Variants in STPG2 observed in about 807,000 individuals in gnomAD.
STPG2 encodes the protein sperm tail PG-rich repeat containing 2, also known as sperm-tail PG-rich repeat-containing protein 2.
STPG2 carries 56 observed loss-of-function variants against 54.2 expected under a neutral mutation model. The observed-to-expected ratio is 1.03, with a 90% CI of 0.83 to 1.29. STPG2 has a LOEUF of 1.29. Ranked by LOEUF, STPG2 falls within the 50% of genes most tolerant of loss-of-function variation. The pLI is 0.00. For missense variants in STPG2, 596 were observed against 544.9 expected (o/e 1.09, Z -0.93); for synonymous variants, 200 against 181.8 (o/e 1.10, Z -0.81).
intron 10 of STPG2, among the ~76,000 whole-genome samples, chr4:97,688,627 A>G (rs972865227): frequency 1.3e-5 from 2 of 152,136 alleles, no homozygotes; most frequent in Non-Finnish European, 2.9e-5. Context: ...AAAGTTTTTA[A>G]TAAGATCTTA....
intron 10 of STPG2, among the ~76,000 whole-genome samples, chr4:97,627,992 C>CG (rs1287673836): frequency 1.3e-4 from 20 of 152,130 alleles, no homozygotes; most frequent in Admixed American, 4.6e-4. Context: ...TTGAATGAGA[C>CG]CCGCCCACAT....
chr4:97,679,452 T>C (rs954746915), intron 10 of STPG2, among the ~76,000 whole-genome samples: 32 of 152,076 alleles, frequency 2.1e-4, no homozygotes, highest in Non-Finnish European at 3.4e-4. Flanking sequence ...TCATGTCCTT[T>C]GCCCACTTTT....
intron 4 of STPG2, among the ~76,000 whole-genome samples, chr4:98,107,946 A>C (rs1418027981): frequency 6.6e-6 from 1 of 152,108 alleles, no homozygotes. Flanking sequence ...GTAAAGACTT[A>C]ATTAAGCTAA....
chr4:97,458,288 T>A (rs988440824), intron 4 of STPG2, among the ~76,000 whole-genome samples: 12 of 152,202 alleles, frequency 7.9e-5, no homozygotes, highest in African/African-American at 2.4e-4. Context: ...GTTCTATGGA[T>A]GCAAAATTGG....
chr4:97,789,410 G>C (rs1250730606), intron 9 of STPG2, among the ~76,000 whole-genome samples: 1 of 151,940 alleles, frequency 6.6e-6, no homozygotes, highest in Non-Finnish European at 1.5e-5. Context: ...ATTTTCTAAA[G>C]CCAAACATAA....
chr4:97,539,650 C>T (rs1383318707), intron 4 of STPG2, among the ~76,000 whole-genome samples: 1 of 152,156 alleles, frequency 6.6e-6, no homozygotes, highest in Non-Finnish European at 1.5e-5. Flanking sequence ...AGAAAGTTAA[C>T]AAGGATATCC....
At position 97,804,980 on chromosome 4, in the gene STPG2, C is replaced by G. The variant is rs114629561; in HGVS notation, c.1204+35793G>C. 2.6e-5 allele frequency among the ~76,000 whole-genome samples: 4 copies of G among 152,186 alleles called. No homozygotes were observed. The South Asian group carries it at 8.3e-4, about 32-fold the overall frequency. Reference sequence around the variant, plus strand: ...TATACCATCTAGGTTTGTGTAATTACGCTCTATGATGTTCATACAAGGACA... The same window carrying G: ...TATACCATCTAGGTTTGTGTAATTAGGCTCTATGATGTTCATACAAGGACA... On this transcript the variant is annotated intron_variant, in intron 9 of 10. Coordinates refer to ENST00000295268, the MANE Select transcript of STPG2 (RefSeq NM_174952.3).
intron 8 of STPG2, among the ~76,000 whole-genome samples, chr4:97,874,525 A>G (rs893553957): frequency 6.6e-6 from 1 of 151,806 alleles, no homozygotes; most frequent in South Asian, 2.1e-4. Context: ...CCCACCTTCC[A>G]TAGACATCCA....
intron 10 of STPG2, among the ~76,000 whole-genome samples, chr4:97,566,688 A>G (rs1358455475): frequency 2.0e-5 from 3 of 152,076 alleles, no homozygotes; most frequent in African/African-American, 7.3e-5. Flanking sequence ...TACACCATGG[A>G]ATACTATGCA....
intron 10 of STPG2, among the ~76,000 whole-genome samples, chr4:97,703,786 GTA>G (rs1054331969): frequency 7.6e-5 from 11 of 145,308 alleles, no homozygotes; most frequent in East Asian, 4.0e-4. Context: ...GTGTGTGTGT[GTA>G]TATATATGTG....
chr4:97,702,266 A>T (rs1337237843), intron 10 of STPG2, among the ~76,000 whole-genome samples: 1 of 152,218 alleles, frequency 6.6e-6, no homozygotes, highest in Non-Finnish European at 1.5e-5. Flanking sequence ...TTAAATGCAG[A>T]GTCCCCACTT....
chr4:97,581,098 C>T (rs1732853336), intron 10 of STPG2, among the ~76,000 whole-genome samples: 1 of 152,100 alleles, frequency 6.6e-6, no homozygotes, highest in Non-Finnish European at 1.5e-5. Context: ...AGAGTAGCCA[C>T]TAGCCATTTG....
At chr4:97,958,286 A>T (rs1397953849) in intron 7 of STPG2, among the ~76,000 whole-genome samples, 5 of 151,074 alleles carry the variant, frequency 3.3e-5, no homozygotes, top group Non-Finnish European at 7.4e-5. Flanking sequence ...CTCCAGCCTG[A>T]GTGAGAGAGT....
chr4:98,059,941 C>A (rs902060167), intron 5 of STPG2, among the ~76,000 whole-genome samples: 5 of 152,082 alleles, frequency 3.3e-5, no homozygotes, highest in African/African-American at 4.8e-5. Flanking sequence ...CTATGACAAA[C>A]CCACAGCCAA....
intron 10 of STPG2, among the ~76,000 whole-genome samples, chr4:97,607,009 A>G (rs1733612065): frequency 6.6e-6 from 1 of 152,068 alleles, no homozygotes; most frequent in Non-Finnish European, 1.5e-5. Flanking sequence ...ACTAAGATAT[A>G]ATTATAACTT....
chr4:97,808,386 G>T (rs1005557046), intron 9 of STPG2, among the ~76,000 whole-genome samples: 1 of 151,868 alleles, frequency 6.6e-6, no homozygotes. Context: ...TAAGATAAAA[G>T]TCATCAACTA....
chr4:97,525,891 T>G (rs1243113711), intron 4 of STPG2, among the ~76,000 whole-genome samples: 1 of 152,042 alleles, frequency 6.6e-6, no homozygotes, highest in Non-Finnish European at 1.5e-5. Flanking sequence ...TTTTGGAACA[T>G]GGCAATTTAT....
intron 4 of STPG2, among the ~76,000 whole-genome samples, chr4:97,481,622 C>T (rs917568117): frequency 1.3e-5 from 2 of 151,440 alleles, no homozygotes; most frequent in African/African-American, 2.4e-5. Flanking sequence ...ATCGGTGGCA[C>T]AATTTCAACT....
intron 9 of STPG2, among the ~76,000 whole-genome samples, chr4:97,762,257 G>A (rs903462690): frequency 6.6e-6 from 1 of 151,918 alleles, no homozygotes; most frequent in African/African-American, 2.4e-5. Flanking sequence ...CCATCTTTTT[G>A]TTCTGTCAGA....
Sources: gnomAD v4.1 joint callset for allele counts (sites outside exome capture counted in the v4.1 genomes callset) on GRCh38, gnomAD v4.1.1 for gene constraint, MANE v1.5 for transcripts, NCBI Gene and HGNC (gene_info 2026-07-23, HGNC 2026-07-21) for gene names.